Variants in ADGRB3 observed in about 807,000 individuals in gnomAD.
The protein encoded by ADGRB3 is adhesion G protein-coupled receptor B3, also known as brain-specific angiogenesis inhibitor 3.
In ADGRB3, 37 loss-of-function variants were observed where a neutral mutation model predicts 193.4. That is an observed-to-expected ratio of 0.19 (90% CI 0.15 to 0.25). The LOEUF is 0.25. Among genes scored for constraint, ADGRB3 ranks in the 10% least tolerant of loss-of-function variants. ADGRB3 has a pLI of 1.00. For synonymous variants in ADGRB3, 690 were observed against 644.2 expected (o/e 1.07, Z -1.08); for missense variants, 1,637 against 1,852.9 (o/e 0.88, Z 2.14).
At chr6:69,114,373 A>C (rs1773461803) in intron 17 of ADGRB3, among the ~76,000 whole-genome samples, 1 of 151,986 alleles carries the variant, frequency 6.6e-6, no homozygotes, top group Admixed American at 6.6e-5. Context: ...TTTTCTTGTA[A>C]ATTTGTTTAA....
At position 69,015,546 on chromosome 6, in the gene ADGRB3, G is replaced by T. The variant is rs556789473; in HGVS notation, c.1998+1440G>T. The stretch of plus-strand genomic sequence containing the variant: ...TGGTGAATGGGTCTCTTGAGTTTGT[G>T]GCACAAACGGTGAACTTTGTGGAAA... On this transcript the variant is annotated intron_variant, in intron 12 of 31. Transcript: ENST00000370598. 1.3e-3 allele frequency among the ~76,000 whole-genome samples: 200 copies of T among 152,010 alleles called. 1 individual carries two copies. Among genetic ancestry groups the T allele is most frequent in the African/African-American group, 4.7e-3 (196 of 41,504 alleles).
chr6:69,316,970 A>C (rs1341191068), intron 20 of ADGRB3, among the ~76,000 whole-genome samples: 1 of 151,572 alleles, frequency 6.6e-6, no homozygotes. Context: ...GAGATACTAA[A>C]TATGGAATCA....
intron 17 of ADGRB3, among the ~76,000 whole-genome samples, chr6:69,129,278 T>A (rs1773938912): frequency 6.6e-6 from 1 of 152,148 alleles, no homozygotes; most frequent in South Asian, 2.1e-4. Flanking sequence ...GGTATGTGCA[T>A]GGAATTAAAT....
intron 3 of ADGRB3, among the ~76,000 whole-genome samples, chr6:68,858,643 C>A (rs989496406): frequency 6.6e-6 from 1 of 150,900 alleles, no homozygotes; most frequent in Non-Finnish European, 1.5e-5. Context: ...CAGTATTCAC[C>A]CAACTAAAAA....
intron 5 of ADGRB3, among the ~76,000 whole-genome samples, chr6:68,942,554 T>C (rs1767672654): frequency 6.6e-6 from 1 of 152,178 alleles, no homozygotes; most frequent in African/African-American, 2.4e-5. Flanking sequence ...TTGTCTCAAG[T>C]ATTAAGAATT....
At chr6:68,654,185 C>T (rs1340100094) in intron 3 of ADGRB3, among the ~76,000 whole-genome samples, 1 of 151,946 alleles carries the variant, frequency 6.6e-6, no homozygotes, top group Non-Finnish European at 1.5e-5. Context: ...GGGCTTTTGT[C>T]ACACTGAGAA....
intron 3 of ADGRB3, among the ~76,000 whole-genome samples, chr6:68,692,517 G>A (rs1486125249): frequency 1.3e-5 from 2 of 151,526 alleles, no homozygotes; most frequent in Non-Finnish European, 3.0e-5. Context: ...TTAAATTTCT[G>A]TATGCTACAC....
intron 3 of ADGRB3, among the ~76,000 whole-genome samples, chr6:68,676,212 G>A (rs1769081622): frequency 1.3e-5 from 2 of 151,750 alleles, no homozygotes; most frequent in South Asian, 4.2e-4. Context: ...CTAACATCAC[G>A]AAACCCCGTC....
chr6:69,327,415 C>T (rs1455322391), intron 21 of ADGRB3, among the ~76,000 whole-genome samples: 2 of 152,056 alleles, frequency 1.3e-5, no homozygotes, highest in Non-Finnish European at 2.9e-5. Context: ...CAATATGTGG[C>T]CAATGGAATG....
At position 68,865,036 on chromosome 6, in the gene ADGRB3, C is replaced by T. The variant is rs78880378; in HGVS notation, c.758-65523C>T. Among the ~76,000 whole-genome samples, 714 of 152,232 alleles carry T rather than the reference C, an allele frequency of 4.7e-3. 4 individuals carry two copies. Among genetic ancestry groups the T allele is most frequent in the African/African-American group, 0.016 (670 of 41,548 alleles). On this transcript the variant is annotated intron_variant, in intron 3 of 31. Coordinates refer to ENST00000370598, the MANE Select transcript of ADGRB3 (RefSeq NM_001704.3). Reference sequence around the variant, plus strand: ...ATGATGAAATTGCCTGCTTTCTATACTGAAGGCTAACTCTTGGTCTGCAAA... The same window carrying T: ...ATGATGAAATTGCCTGCTTTCTATATTGAAGGCTAACTCTTGGTCTGCAAA...
intron 3 of ADGRB3, among the ~76,000 whole-genome samples, chr6:68,707,653 T>A (rs941524088): frequency 6.6e-6 from 1 of 152,208 alleles, no homozygotes; most frequent in Non-Finnish European, 1.5e-5. Context: ...TCTTTGTTCT[T>A]ATTAAAATAA....
intron 17 of ADGRB3, among the ~76,000 whole-genome samples, chr6:69,204,225 TTTTCTC>T (rs1395464809): frequency 1.3e-5 from 2 of 152,170 alleles, no homozygotes; most frequent in Admixed American, 6.6e-5. Flanking sequence ...CTCAAAATGT[TTTTCTC>T]TTTCCATGAA....
At chr6:69,010,807 A>AT (rs1769909772) in intron 11 of ADGRB3, among the ~76,000 whole-genome samples, 1 of 151,770 alleles carries the variant, frequency 6.6e-6, no homozygotes, top group Non-Finnish European at 1.5e-5. Context: ...AACAAAAAAA[A>AT]GCAAAAAAAT....
rs200448313 is a variant in ADGRB3 at position 68,970,664 on chromosome 6, C to CATG, written c.1526-4097_1526-4096insGAT. On this transcript the variant is annotated intron_variant, in intron 8 of 31. Transcript: ENST00000370598. The stretch of plus-strand genomic sequence containing the variant: ...TAAAGCAGGGCCTAGCACCATGTTA[C>CATG]ATTAACAGGGCCTAGCTCTAGCACA... 7.9e-3 allele frequency among the ~76,000 whole-genome samples: 1,209 copies of CATG among 152,290 alleles called. 9 individuals carry two copies. Among genetic ancestry groups the CATG allele is most frequent in the African/African-American group, 0.025 (1,046 of 41,542 alleles).
chr6:68,648,691 T>C (rs1046196277), intron 3 of ADGRB3, among the ~76,000 whole-genome samples: 5 of 149,844 alleles, frequency 3.3e-5, no homozygotes, highest in Non-Finnish European at 7.4e-5. Context: ...AAACATTTGC[T>C]TTCCTGGGTG....
chr6:68,690,495 A>C (rs1765055111), intron 3 of ADGRB3, among the ~76,000 whole-genome samples: 1 of 152,084 alleles, frequency 6.6e-6, no homozygotes, highest in Non-Finnish European at 1.5e-5. Context: ...ATCTCCATGA[A>C]CAGGATCAAA....
At chr6:68,729,332 C>G (rs936937226) in intron 3 of ADGRB3, among the ~76,000 whole-genome samples, 1 of 151,496 alleles carries the variant, frequency 6.6e-6, no homozygotes, top group Admixed American at 6.6e-5. Context: ...TTGGAAAGTG[C>G]AATCCTGGAC....
intron 13 of ADGRB3, among the ~76,000 whole-genome samples, chr6:69,024,501 C>G (rs140509168): frequency 6.6e-6 from 1 of 152,122 alleles, no homozygotes; most frequent in African/African-American, 2.4e-5. Context: ...TGTTGCTACA[C>G]CCACTTACAG....
chr6:68,946,405 T>C (rs753556613), intron 6 of ADGRB3, among the ~76,000 whole-genome samples: 39 of 152,214 alleles, frequency 2.6e-4, no homozygotes, highest in Admixed American at 1.4e-3. Context: ...TTTCAAAAGT[T>C]TTCCTTTCCA....
Sources: allele counts gnomAD v4.1 joint callset (sites outside exome capture counted in the v4.1 genomes callset), GRCh38; gene constraint gnomAD v4.1.1; transcripts MANE v1.5; gene names NCBI Gene and HGNC (gene_info 2026-07-23, HGNC 2026-07-21).